The following CNN3 variants were observed in gnomAD, a reference collection of about 807,000 sequenced individuals.
CNN3 encodes calponin 3.
In CNN3, 11 loss-of-function variants were observed where a neutral mutation model predicts 39.0. That is an observed-to-expected ratio of 0.28 (90% CI 0.18 to 0.47). The LOEUF (loss-of-function observed/expected upper bound fraction) is 0.47, where lower values mean the gene tolerates loss of function less well. Among genes scored for constraint, CNN3 ranks in the 20% least tolerant of loss-of-function variants. The pLI, the probability that CNN3 is intolerant of heterozygous loss-of-function variation, is 0.99. For synonymous variants in CNN3, 101 were observed against 138.3 expected (o/e 0.73, Z 1.89); for missense variants, 266 against 403.4 (o/e 0.66, Z 2.92).
chr1:94,923,416 A>C (rs1671497548), intron 1 of CNN3, among the ~76,000 whole-genome samples: 1 of 151,848 alleles, frequency 6.6e-6, no homozygotes. Context: ...GTAAACTCTA[A>C]GTTATTGATC....
At chr1:94,901,860 C>A in intron 4 of CNN3, 75 bp from the exon 5 acceptor site, 1 of 1,065,032 alleles carries the variant, frequency 9.4e-7, no homozygotes, top group Non-Finnish European at 1.4e-6. Context: ...AATGATATGT[C>A]CATAGACAAA....
intron 5 of CNN3, among the ~76,000 whole-genome samples, chr1:94,900,624 G>A (rs1391504286): frequency 6.8e-6 from 1 of 148,088 alleles, no homozygotes; most frequent in Non-Finnish European, 1.5e-5. Flanking sequence ...TTTGTACTGT[G>A]TAAAAATAAA....
chr1:94,905,160 C>T (rs140041406), intron 1 of CNN3, among the ~76,000 whole-genome samples: 4 of 152,244 alleles, frequency 2.6e-5, no homozygotes, highest in Non-Finnish European at 4.4e-5. Context: ...CAGACATTTA[C>T]GAACCTGGCC....
chr1:94,905,084 C>T (rs1670961445), intron 1 of CNN3, among the ~76,000 whole-genome samples: 2 of 152,144 alleles, frequency 1.3e-5, no homozygotes, highest in South Asian at 4.1e-4. Context: ...AGTGCCAGAG[C>T]ATATAGGACT....
At chr1:94,905,069 T>A (rs1670961133) in intron 1 of CNN3, among the ~76,000 whole-genome samples, 1 of 152,064 alleles carries the variant, frequency 6.6e-6, no homozygotes, top group African/African-American at 2.4e-5. Context: ...ATGCCCTAGG[T>A]TCATAGTGCC....
At chr1:94,906,411 GAA>G (rs1671002262) in intron 1 of CNN3, among the ~76,000 whole-genome samples, 1 of 152,102 alleles carries the variant, frequency 6.6e-6, no homozygotes, top group South Asian at 2.1e-4. Context: ...AAGAAAAGGA[GAA>G]AAGAGTACTC....
intron 1 of CNN3, among the ~76,000 whole-genome samples, chr1:94,923,473 T>C (rs1444256504): frequency 1.3e-5 from 2 of 151,846 alleles, no homozygotes; most frequent in Admixed American, 6.6e-5. Context: ...TTTGTTCATA[T>C]TCCAGGCTGA....
At chr1:94,915,100 C>T (rs1671250199) in intron 1 of CNN3, among the ~76,000 whole-genome samples, 1 of 152,068 alleles carries the variant, frequency 6.6e-6, no homozygotes. Flanking sequence ...CTAGGCTGGT[C>T]CCATTTCCTC....
rs2101747128 is a variant in CNN3, at chr1:94,926,346, G to A, written c.57+492C>T. ...TTCCTCGGGGCCCCTGGGGTCGGCG[G>A]GACATTAGGCGGTCTCTCTCCCCGT... On this transcript the variant is annotated intron_variant, in intron 1 of 6. Transcript: ENST00000370206. This position sits in a 1 kb window ranked among gnomAD's most constrained non-coding sequence, Gnocchi z 4.2. 6.6e-6 allele frequency among the ~76,000 whole-genome samples: 1 copy of A among 152,294 alleles called. No homozygotes were observed. The highest frequency in any genetic ancestry group is 1.9e-4 in the East Asian group (1 of 5,156).
At chr1:94,903,007 A>C in intron 3 of CNN3, 115 bp downstream of exon 3, 1 of 743,564 alleles carries the variant, frequency 1.3e-6, no homozygotes, top group Non-Finnish European at 2.0e-6. Context: ...TAAAAACCGT[A>C]ATCAAAAAGT....
chr1:94,908,625 C>A (rs1216928248), intron 1 of CNN3, among the ~76,000 whole-genome samples: 1 of 152,206 alleles, frequency 6.6e-6, no homozygotes, highest in Non-Finnish European at 1.5e-5. Flanking sequence ...ACTGCAACCT[C>A]CACCTCCCGG....
chr1:94,902,132 G>A lies in CNN3; in HGVS notation c.373C>T (p.Leu125=). The change falls in exon 4 of 7, where the codon CTA becomes TTA. Residue 125 remains leucine, a synonymous_variant. Transcript: ENST00000370206. ...AGACATGTACGTACCAGACCTGCTAGAGCCACCAGAGTAGTCTGAACCTGG... is the reference window on the plus strand; with the variant it reads ...AGACATGTACGTACCAGACCTGCTAAAGCCACCAGAGTAGTCTGAACCTGG... ...MTQVQTTLVA[L]AGLAKTKGFH... 7 of 1,612,862 alleles carry A rather than the reference G, an allele frequency of 4.3e-6. No individual in the cohort carries two copies. The highest frequency in any genetic ancestry group is 5.9e-6 in the Non-Finnish European group (7 of 1,178,856).
chr1:94,921,621 G>C (rs1671447824), intron 1 of CNN3, among the ~76,000 whole-genome samples: 1 of 99,564 alleles, frequency 1.0e-5, no homozygotes, highest in South Asian at 3.2e-4. Flanking sequence ...GAAAAAAAAA[G>C]CCTATACCTC....
At chr1:94,916,702 G>A (rs949777736) in intron 1 of CNN3, among the ~76,000 whole-genome samples, 2 of 152,196 alleles carry the variant, frequency 1.3e-5, no homozygotes, top group Admixed American at 1.3e-4. Context: ...AAGGGCTCTG[G>A]AAACTGAATG....
At chr1:94,898,871 C>T (rs1670790636) in intron 6 of CNN3, among the ~76,000 whole-genome samples, 1 of 152,176 alleles carries the variant, frequency 6.6e-6, no homozygotes, top group Admixed American at 6.5e-5. Context: ...GGTTGTTGAA[C>T]TTCCTTCTGA....
In CNN3 at chr1:94,897,626, A is replaced by G. The variant is rs1385226341; in HGVS notation, c.*116T>C. 2 of 991,940 alleles carry G rather than the reference A, an allele frequency of 2.0e-6. No homozygotes were observed. The highest frequency in any genetic ancestry group is 5.1e-5 in the East Asian group (2 of 39,448). 61.4% of individuals were successfully genotyped at this position (991,940 alleles called of 1,614,324 possible). ...AATGTACGTAAGGCAATTTTTCTTA[A>G]AAGTACAATAAGCTTAATAGTGTTT... On this transcript the variant is annotated 3_prime_UTR_variant, in exon 7 of 7. Coordinates refer to ENST00000370206, the MANE Select transcript of CNN3 (RefSeq NM_001839.5).
At chr1:94,921,540 T>C (rs889793833) in intron 1 of CNN3, among the ~76,000 whole-genome samples, 2 of 152,066 alleles carry the variant, frequency 1.3e-5, no homozygotes, top group East Asian at 1.9e-4. Context: ...AAGGATACAC[T>C]GTTAAAGAGG....
intron 1 of CNN3, among the ~76,000 whole-genome samples, chr1:94,915,459 G>A (rs1026626196): frequency 6.6e-6 from 1 of 152,146 alleles, no homozygotes; most frequent in Non-Finnish European, 1.5e-5. Context: ...TGAAGTCACA[G>A]GGGACCCTCC....
chr1:94,912,028 T>C (rs1671179489), intron 1 of CNN3, among the ~76,000 whole-genome samples: 1 of 152,024 alleles, frequency 6.6e-6, no homozygotes, highest in Non-Finnish European at 1.5e-5. Context: ...ATCATGCCAT[T>C]GCACTCCAGC....
Sources: allele counts gnomAD v4.1 joint callset (sites outside exome capture counted in the v4.1 genomes callset), GRCh38; gene constraint gnomAD v4.1.1; non-coding constraint Gnocchi (gnomAD v3.1); transcripts MANE v1.5; gene names NCBI Gene and HGNC (gene_info 2026-07-23, HGNC 2026-07-21).